The following SLC25A31 variants were observed in gnomAD, a reference collection of about 807,000 sequenced individuals.
SLC25A31 encodes the protein solute carrier family 25 member 31.
SLC25A31 carries 40 observed loss-of-function variants against 36.2 expected under a neutral mutation model. That is an observed-to-expected ratio of 1.10 (90% confidence interval 0.86 to 1.44). The LOEUF (loss-of-function observed/expected upper bound fraction) is 1.44, where lower values mean the gene tolerates loss of function less well. SLC25A31 is among the 40% of genes most tolerant of loss of function. The pLI, the probability that SLC25A31 is intolerant of heterozygous loss-of-function variation, is 0.00. For synonymous variants in SLC25A31, 143 were observed against 149.7 expected (o/e 0.96, Z 0.32); for missense variants, 350 against 397.1 (o/e 0.88, Z 1.01).
At chr4:127,740,371 T>A (rs1377768415) in intron 1 of SLC25A31, among the ~76,000 whole-genome samples, 6 of 152,160 alleles carry the variant, frequency 3.9e-5, no homozygotes, top group Admixed American at 3.9e-4. Flanking sequence ...GTAGACAATG[T>A]TGGACAGGGG....
intron 5 of SLC25A31, among the ~76,000 whole-genome samples, chr4:127,769,766 G>C (rs1333493789): frequency 6.6e-6 from 1 of 152,182 alleles, no homozygotes; most frequent in Non-Finnish European, 1.5e-5. Context: ...AAAATGATCA[G>C]ACGTGGTCTC....
chr4:127,769,099 A>G (rs1732302569), intron 5 of SLC25A31, among the ~76,000 whole-genome samples: 2 of 152,276 alleles, frequency 1.3e-5, no homozygotes, highest in South Asian at 4.1e-4. Context: ...AGAAATGCCT[A>G]CTATTCCTGT....
intron 2 of SLC25A31, among the ~76,000 whole-genome samples, chr4:127,746,035 C>T (rs897223627): frequency 2.6e-5 from 4 of 152,168 alleles, no homozygotes; most frequent in Non-Finnish European, 5.9e-5. Flanking sequence ...TTAGCTCCCA[C>T]TTACAAGTGA....
At chr4:127,763,887 A>G (rs1732188798) in intron 2 of SLC25A31, among the ~76,000 whole-genome samples, 1 of 152,118 alleles carries the variant, frequency 6.6e-6, no homozygotes, top group African/African-American at 2.4e-5. Flanking sequence ...CATAGCAAGC[A>G]CTATTATTAA....
At chr4:127,767,715 C>G (rs1392845311) in intron 4 of SLC25A31, among the ~76,000 whole-genome samples, 1 of 145,142 alleles carries the variant, frequency 6.9e-6, no homozygotes, top group East Asian at 1.9e-4. Context: ...CTGCAATTTA[C>G]CTTTTCATTT....
chr4:127,770,023 G>A (rs1353995067), intron 5 of SLC25A31, among the ~76,000 whole-genome samples: 2 of 152,182 alleles, frequency 1.3e-5, no homozygotes, highest in African/African-American at 4.8e-5. Context: ...AAAACACTGA[G>A]GTGTAGTTCC....
At chr4:127,773,171 T>C (rs1337203702) in intron 5 of SLC25A31, among the ~76,000 whole-genome samples, 1 of 152,186 alleles carries the variant, frequency 6.6e-6, no homozygotes, top group Non-Finnish European at 1.5e-5. Flanking sequence ...ATGACATCCT[T>C]TGACATTTGT....
intron 1 of SLC25A31, among the ~76,000 whole-genome samples, chr4:127,733,018 C>T (rs569825494): frequency 1.3e-5 from 2 of 152,178 alleles, no homozygotes; most frequent in Non-Finnish European, 2.9e-5. Context: ...ATCTCCCCTT[C>T]GATTTTCGTG....
chr4:127,742,378 T>C (rs961516809), intron 1 of SLC25A31, among the ~76,000 whole-genome samples: 2 of 152,218 alleles, frequency 1.3e-5, no homozygotes, highest in African/African-American at 4.8e-5. Flanking sequence ...ACACTAACCC[T>C]TCGCCTGTCA....
At chr4:127,753,370 A>T (rs2148759313) in intron 2 of SLC25A31, among the ~76,000 whole-genome samples, 1 of 152,208 alleles carries the variant, frequency 6.6e-6, no homozygotes, top group East Asian at 1.9e-4. Context: ...GAGATAAAAG[A>T]TTTTTAAAAA....
intron 1 of SLC25A31, among the ~76,000 whole-genome samples, chr4:127,738,065 A>G (rs1731666889): frequency 6.6e-6 from 1 of 151,880 alleles, no homozygotes; most frequent in Non-Finnish European, 1.5e-5. Context: ...TCCTTTAAAC[A>G]GCTGATTTCA....
At chr4:127,735,950 C>T (rs1315350185) in intron 1 of SLC25A31, among the ~76,000 whole-genome samples, 4 of 142,050 alleles carry the variant, frequency 2.8e-5, no homozygotes, top group East Asian at 2.1e-4. Context: ...AGTGCAGTGG[C>T]GCGATCTCGG....
At chr4:127,773,019 G>A (rs868110868) in intron 5 of SLC25A31, among the ~76,000 whole-genome samples, 19 of 152,176 alleles carry the variant, frequency 1.2e-4, no homozygotes, top group Middle Eastern at 3.4e-3. Context: ...TTGGGCTCAA[G>A]CGATCTTCCT....
chr4:127,734,285 T>C (rs1731582025), intron 1 of SLC25A31, among the ~76,000 whole-genome samples: 1 of 151,934 alleles, frequency 6.6e-6, no homozygotes, highest in Non-Finnish European at 1.5e-5. Context: ...ATTTTCTGGG[T>C]GTGGTGGCTC....
chr4:127,761,286 T>G lies in SLC25A31; in HGVS notation c.361-2957T>G, dbSNP rs538151294. ...ACATGATTATCCACGCCAAAAATCA[T>G]TGATCTGCCTTCTTTCTCATCAAGA... On this transcript the variant is annotated intron_variant, in intron 2 of 5. Coordinates refer to ENST00000281154, the MANE Select transcript of SLC25A31 (RefSeq NM_031291.4). Among the ~76,000 whole-genome samples, 7 of 151,490 alleles carry G rather than the reference T, an allele frequency of 4.6e-5. No homozygotes were observed. The South Asian group carries it at 1.5e-3, about 33-fold the overall frequency.
chr4:127,746,664 T>A (rs1731830707), intron 2 of SLC25A31, among the ~76,000 whole-genome samples: 3 of 152,210 alleles, frequency 2.0e-5, no homozygotes, highest in Admixed American at 2.0e-4. Flanking sequence ...TCCTTGTAGA[T>A]GCTAGATAGT....
At chr4:127,760,253 T>G (rs1732102233) in intron 2 of SLC25A31, among the ~76,000 whole-genome samples, 1 of 152,212 alleles carries the variant, frequency 6.6e-6, no homozygotes, top group African/African-American at 2.4e-5. Flanking sequence ...AATCCAAAAT[T>G]ATCTCAAAAT....
intron 2 of SLC25A31, among the ~76,000 whole-genome samples, chr4:127,760,891 T>C (rs575772650): frequency 1.3e-5 from 2 of 152,182 alleles, no homozygotes; most frequent in Admixed American, 6.5e-5. Flanking sequence ...TACAAAAAAT[T>C]AGCCGAGTGT....
chr4:127,744,366 A>G (rs957018723), intron 1 of SLC25A31, among the ~76,000 whole-genome samples: 2 of 152,208 alleles, frequency 1.3e-5, no homozygotes, highest in South Asian at 2.1e-4. Flanking sequence ...TAGGGTTACT[A>G]GCCTCTGAGA....
Sources: allele counts gnomAD v4.1 joint callset (sites outside exome capture counted in the v4.1 genomes callset), GRCh38; gene constraint gnomAD v4.1.1; transcripts MANE v1.5; gene names NCBI Gene and HGNC (gene_info 2026-07-23, HGNC 2026-07-21).